Variants in TPST1 observed in about 807,000 individuals in gnomAD.
TPST1 encodes protein-tyrosine sulfotransferase 1.
Under a neutral mutation model 34.8 loss-of-function variants are expected in TPST1, and 20 were observed. The ratio of observed to expected loss-of-function variants is 0.57; its 90% CI spans 0.40 to 0.84. The LOEUF (loss-of-function observed/expected upper bound fraction) is 0.84. TPST1 is among the 40% of genes least tolerant of loss of function. TPST1 has a pLI of 0.00. For synonymous variants in TPST1, 152 were observed against 159.4 expected, an observed-to-expected ratio of 0.95 and a Z score of 0.35; for missense variants, 353 against 455.5, an observed-to-expected ratio of 0.78 and a Z score of 2.05.
intron 3 of TPST1, among the ~76,000 whole-genome samples, chr7:66,334,058 C>T (rs555016213): frequency 1.9e-4 from 29 of 152,230 alleles, no homozygotes; most frequent in Non-Finnish European, 3.5e-4. Flanking sequence ...GCCAGTTCAC[C>T]CTGAACCCTA....
intron 4 of TPST1, among the ~76,000 whole-genome samples, chr7:66,355,686 G>A (rs1218802306): frequency 6.6e-6 from 1 of 151,824 alleles, no homozygotes; most frequent in Non-Finnish European, 1.5e-5. Flanking sequence ...GATCACTTGA[G>A]ATTAGGAGTT....
intron 3 of TPST1, among the ~76,000 whole-genome samples, chr7:66,335,446 CTG>C (rs1483903795): frequency 6.6e-6 from 1 of 150,952 alleles, no homozygotes. Flanking sequence ...CAGAGCAAAA[CTG>C]TGTCTCAAAA....
At chr7:66,340,551 AC>A (rs1792216398) in intron 3 of TPST1, among the ~76,000 whole-genome samples, 1 of 152,228 alleles carries the variant, frequency 6.6e-6, no homozygotes, top group Non-Finnish European at 1.5e-5. Context: ...GTTTCATGAT[AC>A]AAAATCAACA....
chr7:66,240,826 T>A lies in TPST1; in HGVS notation c.401T>A (p.Leu134Gln). The A allele has an allele frequency of 1.2e-6, 2 of 1,614,234 alleles. No homozygotes were observed. Among genetic ancestry groups the A allele is most frequent in the Non-Finnish European group, 1.7e-6 (2 of 1,180,036 alleles). The change falls in exon 2 of 6, where the codon CTG becomes CAG. Residue 134 changes from leucine (L) to glutamine (Q), a missense_variant. Transcript: ENST00000304842. ...GAGGCTGGTGTTACTGATGAAGTGC[T>A]GGATTCTGCCATGCAAGCCTTCTTA... ...LDEAGVTDEV[L>Q]DSAMQAFLLE...
chr7:66,227,501 C>T (rs920985600), intron 1 of TPST1, among the ~76,000 whole-genome samples: 19 of 151,886 alleles, frequency 1.3e-4, no homozygotes, highest in African/African-American at 3.6e-4. Flanking sequence ...TGGCTCACTG[C>T]AGCGTCGACC....
intron 1 of TPST1, among the ~76,000 whole-genome samples, chr7:66,233,186 G>A (rs561254397): frequency 2.0e-5 from 3 of 151,614 alleles, no homozygotes; most frequent in Non-Finnish European, 2.9e-5. Flanking sequence ...GTCCTTTGAA[G>A]CACAAAAATT....
chr7:66,241,089 A>G lies in TPST1; in HGVS notation c.664A>G (p.Met222Val), dbSNP rs1443799761. ...AAAGTGGAATCGTGCTATAGAGACC[A>G]TGTATAACCAGTGTATGGAGGTTGG... ...LTKWNRAIET[M>V]YNQCMEVGYK... The change falls in exon 2 of 6, where the codon ATG (methionine) becomes GTG (valine). Residue 222 changes from methionine (M) to valine (V), a missense_variant. By Grantham distance (21) the Met-to-Val change is conservative. Transcript: ENST00000304842. 1.2e-6 allele frequency: 2 copies of G among 1,614,230 alleles called. No homozygotes were observed. The highest frequency in any genetic ancestry group is 1.7e-6 in the Non-Finnish European group (2 of 1,180,034).
chr7:66,321,132 A>C (rs905291610), intron 3 of TPST1, among the ~76,000 whole-genome samples: 2 of 152,248 alleles, frequency 1.3e-5, no homozygotes, highest in Non-Finnish European at 2.9e-5. Context: ...ATATGAAGTA[A>C]AAGTCAAGAA....
At position 66,240,432 on chromosome 7, in the gene TPST1, G is replaced by A; in HGVS notation, c.7G>A (p.Gly3Arg). ...ACAAGATAACCACATCAAGATGGTTGGAAAGCTGAAGCAGAACTTACTATT... is the reference window on the plus strand; with the variant it reads ...ACAAGATAACCACATCAAGATGGTTAGAAAGCTGAAGCAGAACTTACTATT... MV[G>R]KLKQNLLLAC... The change falls in exon 2 of 6, where the codon GGA becomes AGA. Residue 3 changes from glycine (G) to arginine (R), a missense_variant. Coordinates refer to ENST00000304842, the MANE Select transcript of TPST1 (RefSeq NM_003596.4). 2 of 1,613,090 alleles carry A rather than the reference G, an allele frequency of 1.2e-6. No homozygotes were observed. The highest frequency in any genetic ancestry group is 1.7e-6 in the Non-Finnish European group (2 of 1,179,370).
intron 2 of TPST1, among the ~76,000 whole-genome samples, chr7:66,277,005 G>C (rs1397431132): frequency 6.6e-6 from 1 of 152,012 alleles, no homozygotes; most frequent in African/African-American, 2.4e-5. Context: ...GTTTTGTTCT[G>C]GTAAAGCGTT....
intron 3 of TPST1, among the ~76,000 whole-genome samples, chr7:66,303,062 A>T (rs1791349437): frequency 6.6e-6 from 1 of 152,088 alleles, no homozygotes; most frequent in Non-Finnish European, 1.5e-5. Context: ...AACTCACATG[A>T]CACCTCTTCT....
intron 1 of TPST1, among the ~76,000 whole-genome samples, chr7:66,222,265 G>A (rs761761883): frequency 6.6e-6 from 1 of 152,018 alleles, no homozygotes; most frequent in Non-Finnish European, 1.5e-5. Flanking sequence ...GGCACCTGTA[G>A]TCCCAGCTAC....
intron 2 of TPST1, among the ~76,000 whole-genome samples, chr7:66,272,053 T>C (rs1790715223): frequency 6.6e-6 from 1 of 152,188 alleles, no homozygotes; most frequent in South Asian, 2.1e-4. Context: ...CTTTTATACT[T>C]TTACAAGTCA....
At chr7:66,206,272 A>G (rs1789129826) in intron 1 of TPST1, among the ~76,000 whole-genome samples, 1 of 151,894 alleles carries the variant, frequency 6.6e-6, no homozygotes, top group African/African-American at 2.4e-5. Context: ...TCCATAGTGT[A>G]ATATCTTCAT....
intron 2 of TPST1, among the ~76,000 whole-genome samples, chr7:66,241,540 C>A (rs543919106): frequency 5.0e-4 from 76 of 152,188 alleles, no homozygotes; most frequent in Non-Finnish European, 8.1e-4. Flanking sequence ...TGGATACAAA[C>A]CCACCTTACA....
At chr7:66,233,883 C>CA (rs1452305497) in intron 1 of TPST1, among the ~76,000 whole-genome samples, 1 of 152,054 alleles carries the variant, frequency 6.6e-6, no homozygotes, top group East Asian at 1.9e-4. Context: ...TTTTCTGAGA[C>CA]AAGAGTGTCT....
At position 66,241,110 on chromosome 7, in the gene TPST1, G is replaced by C; in HGVS notation, c.685G>C (p.Val229Leu). 2 of 1,614,156 alleles carry C rather than the reference G, an allele frequency of 1.2e-6. No individual in the cohort carries two copies. Among genetic ancestry groups the C allele is most frequent in the Non-Finnish European group, 1.7e-6 (2 of 1,180,024 alleles). ...IETMYNQCME[V>L]GYKKCMLVHY... The stretch of plus-strand genomic sequence containing the variant: ...GACCATGTATAACCAGTGTATGGAG[G>C]TTGGTTATAAAAAGTGCATGTTGGT... The change falls in exon 2 of 6, where the codon GTT becomes CTT. Residue 229 changes from valine (V) to leucine (L), a missense_variant. By Grantham distance (32) the Val-to-Leu change is conservative (BLOSUM62 1). Coordinates refer to ENST00000304842, the MANE Select transcript of TPST1 (RefSeq NM_003596.4).
chr7:66,260,593 A>G (rs1790468851), intron 2 of TPST1, among the ~76,000 whole-genome samples: 1 of 152,164 alleles, frequency 6.6e-6, no homozygotes. Context: ...GCCTGATAAT[A>G]TTTGGATGCC....
intron 3 of TPST1, among the ~76,000 whole-genome samples, chr7:66,315,364 A>G (rs1791612568): frequency 6.6e-6 from 1 of 152,234 alleles, no homozygotes; most frequent in Non-Finnish European, 1.5e-5. Flanking sequence ...AGAGAAAAAC[A>G]GCCACTGTCA....
Sources: allele counts gnomAD v4.1 joint callset (sites outside exome capture counted in the v4.1 genomes callset), GRCh38; gene constraint gnomAD v4.1.1; transcripts MANE v1.5; gene names NCBI Gene and HGNC (gene_info 2026-07-23, HGNC 2026-07-21).